Variants in GRIN3A observed in about 807,000 individuals in gnomAD.
GRIN3A encodes glutamate ionotropic receptor NMDA type subunit 3A, also known as glutamate receptor ionotropic, NMDA 3A.
A neutral mutation model predicts 92.4 loss-of-function variants in GRIN3A; 47 were observed. That is an observed-to-expected ratio of 0.51 (90% CI 0.40 to 0.65). GRIN3A has a LOEUF of 0.65. Among genes scored for constraint, GRIN3A ranks in the 30% least tolerant of loss-of-function variants. The pLI is 0.00. For missense variants in GRIN3A, 1,324 were observed against 1,393.1 expected, an observed-to-expected ratio of 0.95 and a Z score of 0.79; for synonymous variants, 527 against 540.6, an observed-to-expected ratio of 0.97 and a Z score of 0.35.
chr9:101,618,187 T>C (rs1245340083), intron 5 of GRIN3A, among the ~76,000 whole-genome samples: 1 of 149,986 alleles, frequency 6.7e-6, no homozygotes, highest in Non-Finnish European at 1.5e-5. Flanking sequence ...AATTGACAAA[T>C]GGGATCTAAT....
At chr9:101,725,410 TATATG>T (rs1219652110) in intron 1 of GRIN3A, among the ~76,000 whole-genome samples, 2 of 152,036 alleles carry the variant, frequency 1.3e-5, no homozygotes, top group Non-Finnish European at 2.9e-5. Context: ...CTATGAGAAA[TATATG>T]AAGGAAAGCA....
At position 101,718,784 on chromosome 9, in the gene GRIN3A, T is replaced by C. The variant is rs539699213; in HGVS notation, c.699+18497A>G. 5.3e-5 allele frequency among the ~76,000 whole-genome samples: 8 copies of C among 152,298 alleles called. No individual in the cohort carries two copies. The South Asian group carries it at 1.7e-3, about 32-fold the overall frequency. ...TTTTATAGCACCTAGAAATTTCCTCTTTTAAAAAAGTACTCAGATTCAGAC... is the reference window on the plus strand; with the variant it reads ...TTTTATAGCACCTAGAAATTTCCTCCTTTAAAAAAGTACTCAGATTCAGAC... On this transcript the variant is annotated intron_variant, in intron 1 of 8. Transcript: ENST00000361820.
At position 101,687,081 on chromosome 9, in the gene GRIN3A, G is replaced by A. The variant is rs761513495; in HGVS notation, c.819C>T (p.Asp273=). ...GGAGGAGGAAGTCGGTGATGTTCCA[G>A]TCTTCCTGGCACAGCAACAAGCTAA... ...YNFSLLLCQE[D]WNITDFLLLT... Residue 273 remains aspartate (D), a synonymous_variant, in exon 2 of 9, where the codon GAC becomes GAT. Transcript: ENST00000361820. 6.2e-7 allele frequency: 1 copy of A among 1,614,160 alleles called. No homozygotes were observed. Among genetic ancestry groups the A allele is most frequent in the South Asian group, 1.1e-5 (1 of 91,068 alleles).
chr9:101,732,619 A>G (rs1380122671), intron 1 of GRIN3A, among the ~76,000 whole-genome samples: 1 of 152,156 alleles, frequency 6.6e-6, no homozygotes, highest in Non-Finnish European at 1.5e-5. Flanking sequence ...GAGGGTAAAG[A>G]GGAAGGTGTA....
At chr9:101,708,921 A>G (rs1829842751) in intron 1 of GRIN3A, among the ~76,000 whole-genome samples, 1 of 152,230 alleles carries the variant, frequency 6.6e-6, no homozygotes, top group East Asian at 1.9e-4. Context: ...CAATAGTAGA[A>G]AGCTCAAGAT....
At position 101,591,276 on chromosome 9, in the gene GRIN3A, C is replaced by G. The variant is rs536913484; in HGVS notation, c.2767-11916G>C. 3.3e-5 allele frequency among the ~76,000 whole-genome samples: 5 copies of G among 152,292 alleles called. No individual in the cohort carries two copies. The East Asian group carries it at 5.8e-4, about 18-fold the overall frequency. Reference sequence around the variant, plus strand: ...TGGAGGCTGCTTGTTCTTTGACAAGCAATTTACCTCTTTGGGCTTCAGTTT... The same window carrying G: ...TGGAGGCTGCTTGTTCTTTGACAAGGAATTTACCTCTTTGGGCTTCAGTTT... On this transcript the variant is annotated intron_variant, in intron 6 of 8. Coordinates refer to ENST00000361820, the MANE Select transcript of GRIN3A (RefSeq NM_133445.3).
intron 5 of GRIN3A, among the ~76,000 whole-genome samples, chr9:101,622,855 T>A (rs1828576476): frequency 6.6e-6 from 1 of 152,150 alleles, no homozygotes; most frequent in East Asian, 1.9e-4. Context: ...CTAGTTTTTC[T>A]GTCAGATTTG....
In GRIN3A at chr9:101,572,773, T is replaced by TA. The variant is rs1438415377; in HGVS notation, c.*400dup. On this transcript the variant is annotated 3_prime_UTR_variant, in exon 9 of 9. Coordinates refer to ENST00000361820, the MANE Select transcript of GRIN3A (RefSeq NM_133445.3). ...AACCCTAGATAACCTCGTTCTGTGTTACGATGAAAACCAGCAACCCAGTAA... is the reference window on the plus strand; with the variant it reads ...AACCCTAGATAACCTCGTTCTGTGTTAACGATGAAAACCAGCAACCCAGTAA... 1.3e-5 allele frequency: 3 copies of TA among 235,950 alleles called. No individual in the cohort carries two copies. The highest frequency in any genetic ancestry group is 2.5e-5 in the Non-Finnish European group (3 of 117,786). The allele number at this position is 235,950 out of a possible 1,614,324, so 14.6% of individuals were successfully genotyped here.
chr9:101,585,165 G>T (rs547828720), intron 6 of GRIN3A, among the ~76,000 whole-genome samples: 1 of 152,056 alleles, frequency 6.6e-6, no homozygotes, highest in East Asian at 1.9e-4. Flanking sequence ...CAAATCTAAC[G>T]GTCAGTTTTC....
At chr9:101,724,312 G>A (rs958580194) in intron 1 of GRIN3A, among the ~76,000 whole-genome samples, 1 of 152,186 alleles carries the variant, frequency 6.6e-6, no homozygotes, top group Non-Finnish European at 1.5e-5. Flanking sequence ...CCGGTGGGCT[G>A]GCACTGCTGG....
In GRIN3A at chr9:101,594,742, G is replaced by C. The variant is rs148782154; in HGVS notation, c.2767-15382C>G. 8 of 1,614,018 alleles carry C rather than the reference G, an allele frequency of 5.0e-6. No individual in the cohort carries two copies. In the Admixed American group the frequency reaches 1.2e-4, roughly 24 times the overall value. On this transcript the variant is annotated intron_variant, in intron 6 of 8. Coordinates refer to ENST00000361820, the MANE Select transcript of GRIN3A (RefSeq NM_133445.3). ...CTCCATCACCGTCGGTGTCGAAGAC[G>C]TCGATCACTCGCCGCACCAACGGGT... is the stretch of plus-strand genomic sequence containing the variant.
chr9:101,716,157 T>G (rs1254768774), intron 1 of GRIN3A, among the ~76,000 whole-genome samples: 2 of 152,126 alleles, frequency 1.3e-5, no homozygotes, highest in African/African-American at 4.8e-5. Flanking sequence ...ATGAGGGGAC[T>G]GAATGGCTTT....
chr9:101,721,977 G>A (rs1466389216), intron 1 of GRIN3A, among the ~76,000 whole-genome samples: 2 of 152,212 alleles, frequency 1.3e-5, no homozygotes, highest in Non-Finnish European at 2.9e-5. Flanking sequence ...AAGTAGCAGA[G>A]AGCCTAATGT....
intron 1 of GRIN3A, among the ~76,000 whole-genome samples, chr9:101,703,166 A>T (rs1283587483): frequency 6.6e-6 from 1 of 152,204 alleles, no homozygotes; most frequent in Non-Finnish European, 1.5e-5. Context: ...AAACACTTCA[A>T]TAGCTTCCTC....
At chr9:101,699,944 T>C (rs1323271566) in intron 1 of GRIN3A, among the ~76,000 whole-genome samples, 2 of 152,146 alleles carry the variant, frequency 1.3e-5, no homozygotes, top group African/African-American at 4.8e-5. Context: ...CATCGTCAAC[T>C]CCCAGTCAAC....
At position 101,738,209 on chromosome 9, in the gene GRIN3A, C is replaced by T. The variant is rs1372751378; in HGVS notation, c.-230G>A. The T allele has an allele frequency of 5.0e-6, 3 of 599,076 alleles. No homozygotes were observed. Among genetic ancestry groups the T allele is most frequent in the African/African-American group, 1.9e-5 (1 of 53,846 alleles). The allele number at this position is 599,076 out of a possible 1,614,324, so 37.1% of individuals were successfully genotyped here. A position where few individuals can be genotyped will look rare whatever the true frequency, so the allele number is the denominator to read the frequency against. ...CTCCGCCTGGCATCCTCTGCCCGCC[C>T]GGTCACTGCGCTGAGCAGGCAGGCG... is the stretch of plus-strand genomic sequence containing the variant. On this transcript the variant is annotated 5_prime_UTR_variant, in exon 1 of 9. Transcript: ENST00000361820.
intron 1 of GRIN3A, among the ~76,000 whole-genome samples, chr9:101,732,018 G>A (rs560566767): frequency 3.3e-5 from 5 of 152,156 alleles, no homozygotes; most frequent in Non-Finnish European, 7.3e-5. Flanking sequence ...CTCTATTCTT[G>A]TGTATATGTG....
chr9:101,639,303 G>T (rs1195823784), intron 3 of GRIN3A, among the ~76,000 whole-genome samples: 1 of 151,974 alleles, frequency 6.6e-6, no homozygotes, highest in East Asian at 1.9e-4. Context: ...GCTGAACTAG[G>T]TCAGCTGAGG....
chr9:101,730,098 C>G (rs1369244085), intron 1 of GRIN3A, among the ~76,000 whole-genome samples: 1 of 152,080 alleles, frequency 6.6e-6, no homozygotes. Context: ...CTGCAAAACT[C>G]CAACCACCCT....
Sources: allele counts gnomAD v4.1 joint callset (sites outside exome capture counted in the v4.1 genomes callset), GRCh38; gene constraint gnomAD v4.1.1; transcripts MANE v1.5; gene names NCBI Gene and HGNC (gene_info 2026-07-23, HGNC 2026-07-21).